Variants in PLEKHG7 observed in about 807,000 individuals in gnomAD.
The protein encoded by PLEKHG7 is pleckstrin homology domain-containing family G member 7.
In PLEKHG7, 77 loss-of-function variants were observed where a neutral mutation model predicts 85.2. The observed-to-expected ratio is 0.90, with a 90% CI of 0.75 to 1.09. PLEKHG7 has a LOEUF of 1.09. PLEKHG7 is among the 50% of genes least tolerant of loss of function. The probability of loss-of-function intolerance (pLI) is 0.00; values close to 1 mark genes in which losing one functional copy is unlikely to be tolerated. For synonymous variants in PLEKHG7, 301 were observed against 302.4 expected (o/e 1.00, Z 0.05); for missense variants, 777 against 804.3 (o/e 0.97, Z 0.41).
intron 3 of PLEKHG7, among the ~76,000 whole-genome samples, chr12:92,713,643 A>G (rs910010015): frequency 3.9e-5 from 6 of 152,136 alleles, no homozygotes; most frequent in African/African-American, 1.4e-4. Context: ...TCACAAATCT[A>G]TTTCACAAGG....
chr12:92,763,834 A>C (rs1873106735), intron 14 of PLEKHG7, among the ~76,000 whole-genome samples: 1 of 152,042 alleles, frequency 6.6e-6, no homozygotes, highest in South Asian at 2.1e-4. Context: ...AAAAAATTTT[A>C]TTAATAATAA....
intron 3 of PLEKHG7, among the ~76,000 whole-genome samples, chr12:92,724,308 T>C (rs1871733765): frequency 1.3e-5 from 2 of 152,226 alleles, no homozygotes; most frequent in African/African-American, 2.4e-5. Flanking sequence ...AACTCCCACC[T>C]AATTCAGTTC....
chr12:92,760,497 A>G (rs1265890562), intron 13 of PLEKHG7, among the ~76,000 whole-genome samples: 1 of 152,164 alleles, frequency 6.6e-6, no homozygotes, highest in Non-Finnish European at 1.5e-5. Flanking sequence ...GTAAAAACAT[A>G]TAAGAAAGAA....
At chr12:92,712,401 G>C (rs1168676535) in intron 3 of PLEKHG7, among the ~76,000 whole-genome samples, 1 of 152,204 alleles carries the variant, frequency 6.6e-6, no homozygotes, top group Non-Finnish European at 1.5e-5. Flanking sequence ...CTGCATACCG[G>C]TACCAGGAGA....
chr12:92,716,931 T>C (rs1871506503), intron 3 of PLEKHG7, among the ~76,000 whole-genome samples: 1 of 152,206 alleles, frequency 6.6e-6, no homozygotes, highest in Admixed American at 6.5e-5. Flanking sequence ...GGATTACCGT[T>C]CCACTTATCT....
At chr12:92,720,866 T>A (rs1378527327) in intron 3 of PLEKHG7, among the ~76,000 whole-genome samples, 1 of 152,220 alleles carries the variant, frequency 6.6e-6, no homozygotes, top group Admixed American at 6.5e-5. Flanking sequence ...CACATCATTT[T>A]AAAAGTTTTG....
In PLEKHG7 at chr12:92,754,225, A is replaced by T; in HGVS notation, c.1387A>T (p.Met463Leu). Residue 463 changes from methionine (M) to leucine (L), a missense_variant, in exon 11 of 17, where the codon ATG becomes TTG. Around this residue, in one of 3 missense-constraint regions of PLEKHG7, gnomAD observed 520 missense variants for 544.0 expected, o/e 0.96. Coordinates refer to ENST00000344636, the MANE Select transcript of PLEKHG7 (RefSeq NM_001377329.1). ...KRSMDSAEKIMIYSIKEKVEK... is the reference protein window; with the variant it reads ...KRSMDSAEKILIYSIKEKVEK... ...GAGCATGGACTCTGCTGAGAAAATCATGATCTACTCCATCAAGGAAAAGGT... is the reference window on the plus strand; with the variant it reads ...GAGCATGGACTCTGCTGAGAAAATCTTGATCTACTCCATCAAGGAAAAGGT... The T allele has an allele frequency of 6.2e-6, 10 of 1,614,056 alleles. No individual in the cohort carries two copies. The highest frequency in any genetic ancestry group is 7.6e-6 in the Non-Finnish European group (9 of 1,179,960).
At position 92,770,227 on chromosome 12, in the gene PLEKHG7, A is replaced by G; in HGVS notation, c.*32A>G. 1 of 1,440,116 alleles carries G rather than the reference A, an allele frequency of 6.9e-7. No individual in the cohort carries two copies. Among genetic ancestry groups the G allele is most frequent in the Admixed American group, 1.8e-5 (1 of 54,696 alleles). The allele number at this position is 1,440,116 out of a possible 1,614,324, so 89.2% of individuals were successfully genotyped here. A position where few individuals can be genotyped will look rare whatever the true frequency, so the allele number is the denominator to read the frequency against. ...AAAACAAGTGGCATGTCTTTTTAGA[A>G]GATTATGGTTTAAGGTATAATTTCA... On this transcript the variant is annotated 3_prime_UTR_variant, in exon 17 of 17. Transcript: ENST00000344636.
Position 92,736,531 on chromosome 12 carries a change from CTG to C in PLEKHG7, c.752_753del (p.Val251GlufsTer9), listed in dbSNP as rs1342544739. The C allele has an allele frequency of 1.6e-6, 2 of 1,231,814 alleles. No homozygotes were observed. The highest frequency in any genetic ancestry group is 4.2e-5 in the Admixed American group (1 of 23,696). 76.3% of individuals were successfully genotyped at this position (1,231,814 alleles called of 1,614,324 possible). A position where few individuals can be genotyped will look rare whatever the true frequency, so the allele number is the denominator to read the frequency against. Reference sequence around the variant, plus strand: ...TCTGATCTGGAAAACTGCCTGTCCTCTGTGAAAATTACCAGCTTCAGGGGCTA... The same window carrying C: ...TCTGATCTGGAAAACTGCCTGTCCTCTGAAAATTACCAGCTTCAGGGGCTA... On this transcript the variant is annotated frameshift_variant, in exon 6 of 17. Transcript: ENST00000344636. LOFTEE classifies it high-confidence loss of function.
chr12:92,767,426 C>A (rs976362287), intron 15 of PLEKHG7, among the ~76,000 whole-genome samples: 1 of 151,876 alleles, frequency 6.6e-6, no homozygotes, highest in Non-Finnish European at 1.5e-5. Flanking sequence ...AGAACAATGA[C>A]CTGATCTTTA....
chr12:92,760,438 A>T (rs936782872), intron 13 of PLEKHG7, among the ~76,000 whole-genome samples: 26 of 152,288 alleles, frequency 1.7e-4, no homozygotes, highest in African/African-American at 6.0e-4. Context: ...ATGAGAGGAG[A>T]TAGAAATGAA....
chr12:92,741,004 C>A, intron 8 of PLEKHG7, 56 bp downstream of exon 8: 1 of 1,264,738 alleles, frequency 7.9e-7, no homozygotes, highest in Non-Finnish European at 1.2e-6. Flanking sequence ...CATGAAAATT[C>A]ATGCTTGGTC....
chr12:92,756,265 A>G (rs766515938), intron 12 of PLEKHG7, 33 bp from the exon 13 acceptor site: 5 of 1,488,284 alleles, frequency 3.4e-6, no homozygotes, highest in Non-Finnish European at 1.9e-6. Context: ...ATCACTAACA[A>G]CATCTCTTTT....
chr12:92,769,174 T>C (rs1873319063), intron 16 of PLEKHG7, 94 bp downstream of exon 16: 1 of 971,922 alleles, frequency 1.0e-6, no homozygotes, highest in Non-Finnish European at 1.5e-6. Flanking sequence ...AAGTTTTGTG[T>C]TTTTCTCTCA....
intron 9 of PLEKHG7, among the ~76,000 whole-genome samples, chr12:92,741,893 T>C (rs12308207): frequency 0.066 from 9,976 of 152,290 alleles, 398 homozygotes; most frequent in Middle Eastern, 0.095. Context: ...ACGGCAATAG[T>C]TTAGTGTTTG....
At chr12:92,744,811 C>A (rs56352126) in intron 9 of PLEKHG7, among the ~76,000 whole-genome samples, 11,595 of 151,830 alleles carry the variant, frequency 0.076, 568 homozygotes, top group African/African-American at 0.13. Flanking sequence ...GACTACAGGC[C>A]CATGCTGCCA....
intron 9 of PLEKHG7, 117 bp from the exon 10 acceptor site, chr12:92,745,361 G>A (rs1009131896): frequency 4.7e-5 from 31 of 656,856 alleles, no homozygotes; most frequent in Middle Eastern, 6.2e-4. Flanking sequence ...TGATCATGGC[G>A]ACTCCTCCAC....
chr12:92,715,041 T>C (rs1020066641), intron 3 of PLEKHG7, among the ~76,000 whole-genome samples: 1 of 151,736 alleles, frequency 6.6e-6, no homozygotes, highest in East Asian at 1.9e-4. Flanking sequence ...GATAGATAGA[T>C]AGATAGATAG....
At chr12:92,713,653 G>A (rs1462978226) in intron 3 of PLEKHG7, among the ~76,000 whole-genome samples, 2 of 152,142 alleles carry the variant, frequency 1.3e-5, no homozygotes, top group African/African-American at 2.4e-5. Context: ...ATTTCACAAG[G>A]CATTGGTCAA....
Sources: gnomAD v4.1 joint callset for allele counts (sites outside exome capture counted in the v4.1 genomes callset) on GRCh38, gnomAD v4.1.1 for gene constraint, gnomAD v4.1.1 regional missense constraint, MANE v1.5 for transcripts, NCBI Gene and HGNC (gene_info 2026-07-23, HGNC 2026-07-21) for gene names.